The following STAU2 variants were observed in gnomAD, a reference collection of about 807,000 sequenced individuals.
The protein encoded by STAU2 is staufen double-stranded RNA binding protein 2.
A neutral mutation model predicts 65.9 loss-of-function variants in STAU2; 20 were observed. That is an observed-to-expected ratio of 0.30 (90% confidence interval 0.21 to 0.44). STAU2 has a LOEUF of 0.44. Ranked by LOEUF, STAU2 falls within the 20% of genes least tolerant of loss-of-function variation. The pLI, the probability that STAU2 is intolerant of heterozygous loss-of-function variation, is 1.00. For missense variants in STAU2, 558 were observed against 683.9 expected (o/e 0.82, Z 2.05); for synonymous variants, 232 against 233.9 (o/e 0.99, Z 0.07).
chr8:73,575,019 A>G (rs1030537268), intron 12 of STAU2, among the ~76,000 whole-genome samples: 13 of 151,628 alleles, frequency 8.6e-5, no homozygotes, highest in Admixed American at 7.2e-4. Flanking sequence ...AGAAAAGACT[A>G]TTTTAAAATG....
intron 4 of STAU2, among the ~76,000 whole-genome samples, chr8:73,700,234 G>A (rs758681755): frequency 6.6e-6 from 1 of 152,086 alleles, no homozygotes; most frequent in Non-Finnish European, 1.5e-5. Context: ...GGGAAAAACT[G>A]AAAGCCTTTC....
At chr8:73,560,805 A>ACCT (rs1808170863) in intron 12 of STAU2, among the ~76,000 whole-genome samples, 1 of 152,244 alleles carries the variant, frequency 6.6e-6, no homozygotes, top group Non-Finnish European at 1.5e-5. Flanking sequence ...TTTTTCAAAA[A>ACCT]TGTTTTAAAG....
chr8:73,688,870 T>G, intron 4 of STAU2, 57 bp from the exon 5 acceptor site: 2 of 1,578,328 alleles, frequency 1.3e-6, no homozygotes, highest in Non-Finnish European at 1.7e-6. Flanking sequence ...GAAATAAAAT[T>G]GGCTGTCTGA....
chr8:73,664,714 G>A (rs538151571), intron 6 of STAU2, among the ~76,000 whole-genome samples: 2 of 152,176 alleles, frequency 1.3e-5, no homozygotes, highest in East Asian at 3.9e-4. Context: ...TATCTGGCTG[G>A]GCATGGTGGC....
chr8:73,462,017 T>C (rs1819377203), intron 13 of STAU2, among the ~76,000 whole-genome samples: 1 of 152,218 alleles, frequency 6.6e-6, no homozygotes, highest in South Asian at 2.1e-4. Context: ...ATCCCCCATA[T>C]AGAATGACTT....
intron 13 of STAU2, among the ~76,000 whole-genome samples, chr8:73,541,853 G>A (rs1806565716): frequency 6.6e-6 from 1 of 152,102 alleles, no homozygotes; most frequent in African/African-American, 2.4e-5. Flanking sequence ...GGAAGAATCT[G>A]TAAGAATCCA....
At chr8:73,721,287 CAAAA>C (rs35721754) in intron 3 of STAU2, among the ~76,000 whole-genome samples, 51 of 12,452 alleles carry the variant, frequency 4.1e-3, no homozygotes, top group Admixed American at 0.019. Context: ...ACCCCACCTC[CAAAA>C]AAAAAAAAAA....
intron 9 of STAU2, among the ~76,000 whole-genome samples, chr8:73,605,850 CACACACACACACACACACACACACACAT>C (rs1811976077): frequency 1.0e-4 from 5 of 47,642 alleles, no homozygotes; most frequent in African/African-American, 2.3e-4. Flanking sequence ...CATACACACA[CACACACACACACACACACACACACACAT>C]ACACACACAC....
chr8:73,442,480 G>T (rs1277901101), intron 13 of STAU2, among the ~76,000 whole-genome samples: 1 of 151,812 alleles, frequency 6.6e-6, no homozygotes. Context: ...TTAACCATAC[G>T]AAGAGATTTA....
chr8:73,433,352 C>T (rs950204418), intron 13 of STAU2, among the ~76,000 whole-genome samples: 1 of 150,144 alleles, frequency 6.7e-6, no homozygotes, highest in African/African-American at 2.5e-5. Flanking sequence ...CTACAGGCAC[C>T]CGCCACGACA....
intron 13 of STAU2, among the ~76,000 whole-genome samples, chr8:73,444,848 T>C (rs1204739396): frequency 6.6e-6 from 1 of 152,190 alleles, no homozygotes; most frequent in African/African-American, 2.4e-5. Flanking sequence ...ATGGCTTCCC[T>C]GTGAAGACAC....
At chr8:73,536,083 T>C (rs1806160968) in intron 13 of STAU2, among the ~76,000 whole-genome samples, 1 of 152,186 alleles carries the variant, frequency 6.6e-6, no homozygotes, top group South Asian at 2.1e-4. Context: ...TGACAGACCA[T>C]TTATGATTTC....
At chr8:73,546,028 G>A (rs1349748092) in intron 13 of STAU2, among the ~76,000 whole-genome samples, 2 of 149,366 alleles carry the variant, frequency 1.3e-5, no homozygotes, top group Non-Finnish European at 3.0e-5. Flanking sequence ...CTGCACTTCC[G>A]CCTCCCTGGT....
rs1288714878 is a variant in STAU2, at chr8:73,640,170, C to T, written c.411-22719G>A. Among the ~76,000 whole-genome samples the T allele has an allele frequency of 4.6e-5, 7 of 151,972 alleles. No homozygotes were observed. The East Asian group carries it at 1.3e-3, about 29-fold the overall frequency. ...AGATTTATTTTACAAAGATACTTCTCAAACCCAAGTGCTTCCTATAATAAT... is the reference window on the plus strand; with the variant it reads ...AGATTTATTTTACAAAGATACTTCTTAAACCCAAGTGCTTCCTATAATAAT... On this transcript the variant is annotated intron_variant, in intron 6 of 14. Coordinates refer to ENST00000524300, the MANE Select transcript of STAU2 (RefSeq NM_001164380.2).
intron 13 of STAU2, among the ~76,000 whole-genome samples, chr8:73,531,307 C>T (rs1805792928): frequency 6.6e-6 from 1 of 152,044 alleles, no homozygotes. Flanking sequence ...ATGGAATTTG[C>T]CAAAGATATC....
chr8:73,734,803 A>T (rs1018555115), intron 3 of STAU2, among the ~76,000 whole-genome samples: 2 of 152,174 alleles, frequency 1.3e-5, no homozygotes, highest in Admixed American at 1.3e-4. Flanking sequence ...CAAAAAATAA[A>T]AAATAAAAAA....
chr8:73,605,276 A>G (rs113866790), intron 9 of STAU2, among the ~76,000 whole-genome samples: 1,726 of 150,560 alleles, frequency 0.011, 34 homozygotes, highest in African/African-American at 0.04. Flanking sequence ...TAAGATGTCA[A>G]TTCTCCTCAA....
chr8:73,474,124 AAATGGTT>A (rs779581855), intron 13 of STAU2, among the ~76,000 whole-genome samples: 3 of 152,174 alleles, frequency 2.0e-5, no homozygotes, highest in Non-Finnish European at 4.4e-5. Context: ...TATGTGGTCT[AAATGGTT>A]AAAAAACAAA....
chr8:73,462,264 CT>C (rs1462203193), intron 13 of STAU2, among the ~76,000 whole-genome samples: 4 of 148,942 alleles, frequency 2.7e-5, no homozygotes, highest in South Asian at 2.1e-4. Flanking sequence ...ATTTTTTTTT[CT>C]TTTTTTTTAA....
Sources: gnomAD v4.1 joint callset for allele counts (sites outside exome capture counted in the v4.1 genomes callset) on GRCh38, gnomAD v4.1.1 for gene constraint, MANE v1.5 for transcripts, NCBI Gene and HGNC (gene_info 2026-07-23, HGNC 2026-07-21) for gene names.